RBFOX1: variants seen among roughly 807,000 people sequenced by gnomAD.
RBFOX1 encodes the protein RNA binding fox-1 homolog 1, also known as RNA binding protein fox-1 homolog 1.
A neutral mutation model predicts 57.7 loss-of-function variants in RBFOX1; 8 were observed. The ratio of observed to expected loss-of-function variants is 0.14; its 90% CI spans 0.08 to 0.25. The LOEUF is 0.25. Ranked by LOEUF, RBFOX1 falls within the 10% of genes least tolerant of loss-of-function variation. RBFOX1 has a pLI of 1.00. For synonymous variants in RBFOX1, 326 were observed against 222.4 expected (o/e 1.47, Z -4.15); for missense variants, 611 against 548.5 (o/e 1.11, Z -1.14).
chr16:6,333,007 A>G (rs2083223195), intron 2 of RBFOX1, among the ~76,000 whole-genome samples: 1 of 152,150 alleles, frequency 6.6e-6, no homozygotes, highest in Non-Finnish European at 1.5e-5. Flanking sequence ...TATTGATCCA[A>G]TGTCATGTTT....
chr16:5,376,914 TTGGCAGTCTCTTCATAGCACACCCTGCAC>T lies in RBFOX1; in HGVS notation c.220-90297_220-90269del, dbSNP rs869101943. ...TGGGACTAGGCCCCTGTTGCCTGCG[TTGGCAGTCTCTTCATAGCACACCCTGCAC>T]TGGCTTCCCTCCCTTCTCCAAGTCT... On this transcript the variant is annotated intron_variant, in intron 1 of 2. Coordinates refer to the RBFOX1 transcript ENST00000585867. Among the ~76,000 whole-genome samples the T allele has an allele frequency of 5.2e-5, 5 of 95,794 alleles. No homozygotes were observed. The South Asian group carries it at 8.4e-4, about 16-fold the overall frequency. 62.8% of individuals were successfully genotyped at this position (95,794 alleles called of 152,430 possible). A position where few individuals can be genotyped will look rare whatever the true frequency, so the allele number is the denominator to read the frequency against.
intron 3 of RBFOX1, among the ~76,000 whole-genome samples, chr16:5,814,521 A>G (rs1002605613): frequency 1.3e-5 from 2 of 152,212 alleles, no homozygotes; most frequent in East Asian, 1.9e-4. Flanking sequence ...CAATTCACAG[A>G]TGAGGAAATT....
Position 7,152,631 on chromosome 16 carries a change from A to G in RBFOX1, c.27+100533A>G, listed in dbSNP as rs375283593. Among the ~76,000 whole-genome samples the G allele has an allele frequency of 1.6e-4, 24 of 152,240 alleles. 2 individuals carry two copies. Among genetic ancestry groups the G allele is most frequent in the East Asian group, 1.2e-3 (6 of 5,176 alleles). On this transcript the variant is annotated intron_variant, in intron 4 of 15. Coordinates refer to ENST00000550418, the MANE Select transcript of RBFOX1 (RefSeq NM_018723.4). ...CTGTGGTGTCTGTCTTATTGGAAAG[A>G]TGTGAGTCTGGTATGCGCAGATGTC...
intron 3 of RBFOX1, among the ~76,000 whole-genome samples, chr16:5,671,331 G>C (rs1387589373): frequency 6.6e-6 from 1 of 152,182 alleles, no homozygotes; most frequent in Admixed American, 6.5e-5. Context: ...TATTAGTGTA[G>C]AAGGATAAAG....
At chr16:6,726,351 T>A (rs2067169073) in intron 3 of RBFOX1, among the ~76,000 whole-genome samples, 2 of 152,138 alleles carry the variant, frequency 1.3e-5, no homozygotes, top group East Asian at 3.9e-4. Context: ...AAGCAAATTT[T>A]TGCATTTGTA....
downstream of RBFOX1, among the ~76,000 whole-genome samples, chr16:5,602,824 A>T (rs1373717324): frequency 6.6e-6 from 1 of 152,206 alleles, no homozygotes; most frequent in Non-Finnish European, 1.5e-5. Flanking sequence ...TTGTAATAAT[A>T]GTACTAATAC....
chr16:7,253,842 A>G (rs1603449588), intron 4 of RBFOX1, among the ~76,000 whole-genome samples: 3 of 152,168 alleles, frequency 2.0e-5, no homozygotes, highest in Admixed American at 1.3e-4. Flanking sequence ...AGGTCTGCAC[A>G]TGAGAGCTCT....
At chr16:6,233,335 A>G (rs1313756476) in intron 1 of RBFOX1, among the ~76,000 whole-genome samples, 1 of 152,072 alleles carries the variant, frequency 6.6e-6, no homozygotes, top group Non-Finnish European at 1.5e-5. Context: ...TTGCATCTCT[A>G]TGGCTAGCAC....
intron 2 of RBFOX1, among the ~76,000 whole-genome samples, chr16:6,424,715 C>G (rs113821073): frequency 0.011 from 1,730 of 152,098 alleles, 35 homozygotes; most frequent in African/African-American, 0.04. Context: ...AAAGCATAAG[C>G]AACCTCAATG....
chr16:7,197,022 A>T (rs762379873), intron 4 of RBFOX1, among the ~76,000 whole-genome samples: 95 of 152,208 alleles, frequency 6.2e-4, no homozygotes, highest in Non-Finnish European at 1.1e-3. Context: ...TCCATTTCGA[A>T]GGTGCACACC....
At chr16:5,773,428 C>G (rs28515843) in intron 3 of RBFOX1, among the ~76,000 whole-genome samples, 4 of 152,012 alleles carry the variant, frequency 2.6e-5, no homozygotes, top group African/African-American at 9.7e-5. Flanking sequence ...GCATATTGCT[C>G]CAGAACTTAC....
intron 3 of RBFOX1, among the ~76,000 whole-genome samples, chr16:6,785,854 A>G (rs978471476): frequency 7.9e-5 from 12 of 152,224 alleles, no homozygotes; most frequent in Non-Finnish European, 1.2e-4. Context: ...CTCAAAGTCC[A>G]TTAGACTCTA....
chr16:6,510,732 A>G (rs2096238762), intron 2 of RBFOX1, among the ~76,000 whole-genome samples: 1 of 152,170 alleles, frequency 6.6e-6, no homozygotes, highest in South Asian at 2.1e-4. Context: ...GGCACAGAGA[A>G]ATCTCAGCTT....
At chr16:7,285,273 A>G (rs1041980413) in intron 4 of RBFOX1, among the ~76,000 whole-genome samples, 21 of 151,580 alleles carry the variant, frequency 1.4e-4, no homozygotes, top group African/African-American at 4.6e-4. Flanking sequence ...GTTTTCCCCA[A>G]TGGTAACATT....
intron 3 of RBFOX1, among the ~76,000 whole-genome samples, chr16:6,899,799 C>G (rs890633000): frequency 6.6e-6 from 1 of 152,160 alleles, no homozygotes; most frequent in African/African-American, 2.4e-5. Flanking sequence ...AGTATGGACA[C>G]CTTTTCATTG....
At chr16:5,377,167 G>T (rs1272278179) in intron 1 of RBFOX1, among the ~76,000 whole-genome samples, 2 of 151,516 alleles carry the variant, frequency 1.3e-5, no homozygotes, top group Admixed American at 6.6e-5. Flanking sequence ...CCAGACATGG[G>T]GATAAGCCTG....
intron 4 of RBFOX1, among the ~76,000 whole-genome samples, chr16:7,422,298 A>G (rs184815590): frequency 5.3e-5 from 8 of 152,282 alleles, no homozygotes; most frequent in Admixed American, 2.0e-4. Flanking sequence ...AGGCGTCTAT[A>G]CCATGCCACC....
intron 2 of RBFOX1, among the ~76,000 whole-genome samples, chr16:6,452,792 G>GTC (rs772886965): frequency 2.4e-4 from 37 of 152,138 alleles, no homozygotes; most frequent in Non-Finnish European, 4.3e-4. Flanking sequence ...TTAATAATGA[G>GTC]TCTCTCTGTG....
chr16:7,131,466 T>A (rs935983217), intron 4 of RBFOX1, among the ~76,000 whole-genome samples: 1 of 149,988 alleles, frequency 6.7e-6, no homozygotes, highest in African/African-American at 2.5e-5. Flanking sequence ...CTCCGGTAGG[T>A]TTCATAATCT....
Sources: allele counts gnomAD v4.1 joint callset (sites outside exome capture counted in the v4.1 genomes callset), GRCh38; gene constraint gnomAD v4.1.1; transcripts MANE v1.5; gene names NCBI Gene and HGNC (gene_info 2026-07-23, HGNC 2026-07-21).